The following SLC26A7 variants were observed in gnomAD, a reference collection of about 807,000 sequenced individuals.
SLC26A7 encodes the protein anion exchange transporter.
Under a neutral mutation model 82.5 loss-of-function variants are expected in SLC26A7, and 59 were observed. The ratio of observed to expected loss-of-function variants is 0.72; its 90% CI spans 0.58 to 0.89. The LOEUF is 0.89. SLC26A7 is among the 40% of genes least tolerant of loss of function. SLC26A7 has a pLI of 0.00. For missense variants in SLC26A7, 820 were observed against 793.0 expected (o/e 1.03, Z -0.41); for synonymous variants, 271 against 274.3 (o/e 0.99, Z 0.12).
chr8:91,369,326 C>T (rs939540516), intron 14 of SLC26A7, among the ~76,000 whole-genome samples: 4 of 150,268 alleles, frequency 2.7e-5, no homozygotes, highest in African/African-American at 9.8e-5. Context: ...TCCTTAGAGG[C>T]ATCAATTATT....
chr8:91,222,978 C>T (rs1810181993), intron 2 of SLC26A7, among the ~76,000 whole-genome samples: 1 of 151,706 alleles, frequency 6.6e-6, no homozygotes. Context: ...TTTTTTTTTG[C>T]CAGTAGACTA....
intron 5 of SLC26A7, 97 bp downstream of exon 5, chr8:91,318,477 A>T (rs1048746314): frequency 3.6e-6 from 4 of 1,119,034 alleles, no homozygotes; most frequent in Non-Finnish European, 3.7e-6. Flanking sequence ...TTCTGTATTA[A>T]AGCAACTTGG....
At chr8:91,239,327 G>A (rs1222053316) in intron 2 of SLC26A7, among the ~76,000 whole-genome samples, 1 of 137,556 alleles carries the variant, frequency 7.3e-6, no homozygotes, top group African/African-American at 2.8e-5. Flanking sequence ...CCGAGATCGC[G>A]TTCGCCCCAC....
chr8:91,270,042 T>C (rs916987732), intron 2 of SLC26A7, among the ~76,000 whole-genome samples: 1 of 152,212 alleles, frequency 6.6e-6, no homozygotes, highest in Non-Finnish European at 1.5e-5. Context: ...AAAAAAGTAT[T>C]ATTCTGAATT....
At chr8:91,366,787 C>A in intron 14 of SLC26A7, 70 bp downstream of exon 14, 1 of 1,496,462 alleles carries the variant, frequency 6.7e-7, no homozygotes. Context: ...AAACATGTAT[C>A]AAGTAAATAA....
chr8:91,276,754 A>G (rs543308896), intron 2 of SLC26A7, among the ~76,000 whole-genome samples: 2 of 152,200 alleles, frequency 1.3e-5, no homozygotes, highest in Non-Finnish European at 2.9e-5. Flanking sequence ...AGACAAAGCC[A>G]TAAACTGCTG....
At chr8:91,350,964 T>C (rs1354445211) in intron 9 of SLC26A7, among the ~76,000 whole-genome samples, 2 of 152,094 alleles carry the variant, frequency 1.3e-5, no homozygotes, top group African/African-American at 4.8e-5. Flanking sequence ...CAGCCTTTGA[T>C]ATTGATTGTT....
intron 2 of SLC26A7, among the ~76,000 whole-genome samples, chr8:91,280,811 A>G (rs1203719659): frequency 6.6e-6 from 1 of 152,212 alleles, no homozygotes; most frequent in East Asian, 1.9e-4. Flanking sequence ...TGTATTCCAA[A>G]AGAAAGTGTT....
At chr8:91,315,293 C>A (rs1812597212) in intron 4 of SLC26A7, among the ~76,000 whole-genome samples, 1 of 152,052 alleles carries the variant, frequency 6.6e-6, no homozygotes, top group Admixed American at 6.6e-5. Context: ...TTCATCATAC[C>A]TCAGTAATAT....
chr8:91,363,366 C>A (rs979462655), intron 12 of SLC26A7, 106 bp from the exon 13 acceptor site: 6 of 612,458 alleles, frequency 9.8e-6, no homozygotes, highest in African/African-American at 1.9e-5. Flanking sequence ...GGATATAAAT[C>A]ATCTCAGACA....
At chr8:91,233,227 ACAT>A (rs1227383583) in intron 2 of SLC26A7, among the ~76,000 whole-genome samples, 1 of 152,224 alleles carries the variant, frequency 6.6e-6, no homozygotes, top group Non-Finnish European at 1.5e-5. Context: ...AGAAGAGGAA[ACAT>A]CAGGAGAAAA....
At chr8:91,292,568 C>A (rs1005390175) in intron 3 of SLC26A7, among the ~76,000 whole-genome samples, 4 of 151,882 alleles carry the variant, frequency 2.6e-5, no homozygotes, top group Non-Finnish European at 2.9e-5. Flanking sequence ...GGGATTTTGC[C>A]TTCAATTTAG....
intron 16 of SLC26A7, 106 bp from the exon 17 acceptor site, chr8:91,393,691 G>A (rs1009598339): frequency 6.4e-5 from 79 of 1,242,608 alleles, no homozygotes; most frequent in Non-Finnish European, 8.0e-5. Context: ...GTTTGACTTC[G>A]TAAACATCGG....
At chr8:91,231,950 G>T (rs997401780) in intron 2 of SLC26A7, among the ~76,000 whole-genome samples, 4 of 152,030 alleles carry the variant, frequency 2.6e-5, no homozygotes, top group Admixed American at 6.6e-5. Flanking sequence ...ATGGGTCTTT[G>T]TGTCATTTTT....
At chr8:91,245,673 A>G (rs1810535685), upstream of SLC26A7, among the ~76,000 whole-genome samples, 1 of 152,208 alleles carries the variant, frequency 6.6e-6, no homozygotes, top group African/African-American at 2.4e-5. Context: ...CAATCTCCAC[A>G]GAGACCACAT....
chr8:91,332,259 T>G (rs1020756433), intron 5 of SLC26A7, among the ~76,000 whole-genome samples: 1 of 143,604 alleles, frequency 7.0e-6, no homozygotes, highest in African/African-American at 2.5e-5. Flanking sequence ...TATATTAAAT[T>G]TATAATTATA....
intron 18 of SLC26A7, chr8:91,394,815 C>T (rs1376378044): frequency 1.1e-6 from 1 of 876,494 alleles, no homozygotes; most frequent in Non-Finnish European, 1.6e-6. Context: ...TAATTTAACC[C>T]ATTTTTAGAA....
chr8:91,336,446 C>T (rs1181488845), intron 6 of SLC26A7, among the ~76,000 whole-genome samples: 1 of 152,014 alleles, frequency 6.6e-6, no homozygotes, highest in Non-Finnish European at 1.5e-5. Context: ...AGGTTGCGTG[C>T]TTCTTATGAT....
chr8:91,273,524 C>T (rs1446505681), intron 2 of SLC26A7, among the ~76,000 whole-genome samples: 1 of 151,880 alleles, frequency 6.6e-6, no homozygotes, highest in African/African-American at 2.4e-5. Flanking sequence ...ATTGACAGGG[C>T]CAAATGTAGC....
Sources: gnomAD v4.1 joint callset for allele counts (sites outside exome capture counted in the v4.1 genomes callset) on GRCh38, gnomAD v4.1.1 for gene constraint, MANE v1.5 for transcripts, NCBI Gene and HGNC (gene_info 2026-07-23, HGNC 2026-07-21) for gene names.